The following PTPRG variants were observed in gnomAD, a reference collection of about 807,000 sequenced individuals.
PTPRG encodes receptor-type tyrosine-protein phosphatase gamma.
In PTPRG, 102 loss-of-function variants were observed where a neutral mutation model predicts 165.3. That is an observed-to-expected ratio of 0.62 (90% confidence interval 0.53 to 0.73). PTPRG has a LOEUF of 0.73. PTPRG is among the 30% of genes least tolerant of loss of function. PTPRG has a pLI of 0.00. For missense variants in PTPRG, 1,866 were observed against 1,861.4 expected, an observed-to-expected ratio of 1.00 and a Z score of -0.05; for synonymous variants, 675 against 669.5, an observed-to-expected ratio of 1.01 and a Z score of -0.13.
chr3:61,940,771 C>A (rs1294266514), intron 2 of PTPRG, among the ~76,000 whole-genome samples: 1 of 152,148 alleles, frequency 6.6e-6, no homozygotes, highest in East Asian at 1.9e-4. Flanking sequence ...TCATGCCATT[C>A]TCCTGCCTCA....
At chr3:62,065,752 CT>C (rs1444771061) in intron 4 of PTPRG, among the ~76,000 whole-genome samples, 1 of 152,100 alleles carries the variant, frequency 6.6e-6, no homozygotes, top group African/African-American at 2.4e-5. Context: ...CCAGAAGAAC[CT>C]TTTGTAAGGG....
chr3:62,078,716 G>A (rs1701474324), intron 5 of PTPRG, among the ~76,000 whole-genome samples: 1 of 152,068 alleles, frequency 6.6e-6, no homozygotes, highest in African/African-American at 2.4e-5. Flanking sequence ...AGTTTTTGTT[G>A]CAACTATCTC....
At chr3:61,589,078 T>C (rs1211376949) in intron 1 of PTPRG, among the ~76,000 whole-genome samples, 2 of 152,240 alleles carry the variant, frequency 1.3e-5, no homozygotes, top group Non-Finnish European at 2.9e-5. Context: ...TTTTGCTACA[T>C]TTTTAATTGT....
chr3:61,592,122 C>A (rs1272777138), intron 1 of PTPRG, among the ~76,000 whole-genome samples: 1 of 151,940 alleles, frequency 6.6e-6, no homozygotes, highest in African/African-American at 2.4e-5. Context: ...TACAGGCCAC[C>A]ATACCCAGCT....
At chr3:62,270,198 T>C (rs1339732242) in intron 20 of PTPRG, among the ~76,000 whole-genome samples, 1 of 152,130 alleles carries the variant, frequency 6.6e-6, no homozygotes, top group African/African-American at 2.4e-5. Flanking sequence ...ATTTTTTTTT[T>C]TTCTTGGTGT....
At chr3:62,112,699 C>G (rs1307294303) in intron 5 of PTPRG, among the ~76,000 whole-genome samples, 1 of 152,152 alleles carries the variant, frequency 6.6e-6, no homozygotes, top group East Asian at 1.9e-4. Context: ...GCTAAGTTTT[C>G]AGAGGTTCTG....
rs1202831844 is a variant in PTPRG at position 62,240,355 on chromosome 3, C to A, written c.2376-3452C>A. Among the ~76,000 whole-genome samples the A allele has an allele frequency of 6.6e-6, 1 of 151,992 alleles. No homozygotes were observed. Among genetic ancestry groups the A allele is most frequent in the African/African-American group, 2.4e-5 (1 of 41,376 alleles). On this transcript the variant is annotated intron_variant, in intron 14 of 29. Coordinates refer to ENST00000474889, the MANE Select transcript of PTPRG (RefSeq NM_002841.4). The surrounding 1 kb of genome is among the most constrained non-coding windows in gnomAD (Gnocchi z 5.1). ...ATCTCAAAATAAAATAAAATACATA[C>A]TCCCCCAATACCCAGAAAAAAAAAT...
At chr3:62,243,972 A>G in intron 15 of PTPRG, 74 bp downstream of exon 15, 1 of 928,730 alleles carries the variant, frequency 1.1e-6, no homozygotes, top group South Asian at 1.6e-5. Flanking sequence ...ATGTGATAAA[A>G]CAACAAAATA....
intron 2 of PTPRG, among the ~76,000 whole-genome samples, chr3:61,760,281 T>C (rs967776724): frequency 1.3e-5 from 2 of 152,336 alleles, no homozygotes; most frequent in African/African-American, 4.8e-5. Flanking sequence ...TCAAAAGTTA[T>C]GGCTCATTGT....
intron 1 of PTPRG, among the ~76,000 whole-genome samples, chr3:61,740,539 TA>T (rs1315191698): frequency 1.3e-5 from 2 of 152,170 alleles, no homozygotes; most frequent in African/African-American, 2.4e-5. Flanking sequence ...AGCCCTTATT[TA>T]TTTTTTTTTA....
chr3:61,764,487 T>G (rs2033953253), intron 2 of PTPRG, among the ~76,000 whole-genome samples: 1 of 152,198 alleles, frequency 6.6e-6, no homozygotes, highest in South Asian at 2.1e-4. Context: ...ACATGTAGTA[T>G]CATCACATCA....
At chr3:61,904,301 CTG>C (rs2038585779) in intron 2 of PTPRG, among the ~76,000 whole-genome samples, 2 of 152,126 alleles carry the variant, frequency 1.3e-5, no homozygotes, top group South Asian at 4.1e-4. Flanking sequence ...ACTCAAGAGA[CTG>C]TGAAAGTCTG....
Position 62,139,871 on chromosome 3 carries a change from A to T in PTPRG, c.682+7203A>T, listed in dbSNP as rs572340079. On this transcript the variant is annotated intron_variant, in intron 6 of 29. Coordinates refer to ENST00000474889, the MANE Select transcript of PTPRG (RefSeq NM_002841.4). ...GCTAGAGTCACTCCAGGCCTCTAGC[A>T]AAAAAGGAAGAAATAACAGTGAATT... Among the ~76,000 whole-genome samples the T allele has an allele frequency of 5.3e-5, 8 of 152,230 alleles. No individual in the cohort carries two copies. In the South Asian group the frequency reaches 1.7e-3, roughly 32 times the overall value.
chr3:61,871,835 C>G (rs1234812544), intron 2 of PTPRG, among the ~76,000 whole-genome samples: 1 of 152,168 alleles, frequency 6.6e-6, no homozygotes, highest in Non-Finnish European at 1.5e-5. Flanking sequence ...TGAAGGAGAT[C>G]AGTTGCTCCC....
chr3:61,614,390 T>A (rs994753179), intron 1 of PTPRG, among the ~76,000 whole-genome samples: 2 of 151,236 alleles, frequency 1.3e-5, no homozygotes, highest in East Asian at 3.9e-4. Flanking sequence ...TTAAGTTGGG[T>A]ATAATAATAA....
chr3:61,956,275 GTCTCTCTC>G (rs199816889), intron 2 of PTPRG, among the ~76,000 whole-genome samples: 1 of 122,276 alleles, frequency 8.2e-6, no homozygotes, highest in Non-Finnish European at 1.8e-5. Flanking sequence ...CGTGCACGCT[GTCTCTCTC>G]TCTCTCTCTC....
At chr3:61,839,673 AGAGCTAAC>A (rs1326331672) in intron 2 of PTPRG, among the ~76,000 whole-genome samples, 1 of 152,264 alleles carries the variant, frequency 6.6e-6, no homozygotes. Context: ...TTAAGGTTAT[AGAGCTAAC>A]ACATGTTCCA....
intron 2 of PTPRG, among the ~76,000 whole-genome samples, chr3:61,858,607 G>A (rs1331005352): frequency 6.6e-6 from 1 of 152,048 alleles, no homozygotes; most frequent in Non-Finnish European, 1.5e-5. Flanking sequence ...TGTTCTGTAT[G>A]TATTTTTTAA....
At chr3:61,836,071 A>AT (rs2036451502) in intron 2 of PTPRG, among the ~76,000 whole-genome samples, 10 of 140,830 alleles carry the variant, frequency 7.1e-5, no homozygotes, top group Admixed American at 2.2e-4. Context: ...CCAAAAAAAA[A>AT]AATATATATA....
Sources: gnomAD v4.1 joint callset for allele counts (sites outside exome capture counted in the v4.1 genomes callset) on GRCh38, gnomAD v4.1.1 for gene constraint, Gnocchi (gnomAD v3.1) non-coding constraint, MANE v1.5 for transcripts, NCBI Gene and HGNC (gene_info 2026-07-23, HGNC 2026-07-21) for gene names.